Variants in CDK14 observed in about 807,000 individuals in gnomAD.
CDK14 encodes cyclin-dependent kinase 14.
In CDK14, 34 loss-of-function variants were observed where a neutral mutation model predicts 60.7. The observed-to-expected ratio is 0.56, with a 90% CI of 0.43 to 0.75. The LOEUF is 0.75. CDK14 is among the 30% of genes least tolerant of loss of function. The probability of loss-of-function intolerance (pLI) is 0.00; values close to 1 mark genes in which losing one functional copy is unlikely to be tolerated. For synonymous variants in CDK14, 197 were observed against 203.7 expected (o/e 0.97, Z 0.28); for missense variants, 482 against 564.1 (o/e 0.85, Z 1.47).
chr7:90,609,003 A>G lies in CDK14; in HGVS notation c.123+4754A>G, dbSNP rs539816661. 6.6e-5 allele frequency among the ~76,000 whole-genome samples: 10 copies of G among 152,244 alleles called. No individual in the cohort carries two copies. In the South Asian group the frequency reaches 1.0e-3, roughly 16 times the overall value. On this transcript the variant is annotated intron_variant, in intron 2 of 14. Transcript: ENST00000380050. Reference sequence around the variant, plus strand: ...TTGTTATTTTATATAAAGATATAATACCAGAGATAATAAAGGTGGCAGTTA... The same window carrying G: ...TTGTTATTTTATATAAAGATATAATGCCAGAGATAATAAAGGTGGCAGTTA...
chr7:90,921,501 G>C (rs577635468), intron 8 of CDK14, among the ~76,000 whole-genome samples: 1 of 151,802 alleles, frequency 6.6e-6, no homozygotes, highest in African/African-American at 2.4e-5. Context: ...TGGAAGTTCC[G>C]TGAAGGCGGG....
At chr7:91,142,661 G>A (rs752324880) in intron 14 of CDK14, among the ~76,000 whole-genome samples, 4 of 152,150 alleles carry the variant, frequency 2.6e-5, no homozygotes, top group Non-Finnish European at 5.9e-5. Flanking sequence ...TATGTGTTTA[G>A]CTTCCATTTC....
intron 10 of CDK14, among the ~76,000 whole-genome samples, chr7:91,004,989 A>G (rs1431448218): frequency 1.3e-5 from 2 of 152,208 alleles, no homozygotes; most frequent in Non-Finnish European, 2.9e-5. Context: ...CGCCAAGTTC[A>G]GATTCAGAAT....
intron 10 of CDK14, among the ~76,000 whole-genome samples, chr7:91,021,681 C>T (rs913426365): frequency 1.3e-5 from 2 of 152,038 alleles, no homozygotes; most frequent in African/African-American, 4.8e-5. Flanking sequence ...ATCAGTGGAC[C>T]CTCCATAAGT....
At chr7:90,791,902 T>G (rs1484246934) in intron 5 of CDK14, among the ~76,000 whole-genome samples, 1 of 50,122 alleles carries the variant, frequency 2.0e-5, no homozygotes, top group Non-Finnish European at 3.9e-5. Context: ...GGAAAGGGCT[T>G]CTTTTTTTTT....
At chr7:91,079,368 C>A in intron 11 of CDK14, 64 bp from the exon 12 acceptor site, 2 of 1,135,614 alleles carry the variant, frequency 1.8e-6, no homozygotes, top group South Asian at 1.4e-5. Flanking sequence ...GAAGTTTTTT[C>A]AACATACTTG....
intron 5 of CDK14, among the ~76,000 whole-genome samples, chr7:90,829,912 C>T (rs1248533373): frequency 1.3e-5 from 2 of 152,232 alleles, no homozygotes; most frequent in Non-Finnish European, 2.9e-5. Flanking sequence ...AAAGTGTGGG[C>T]TCCTAAGGCC....
intron 2 of CDK14, among the ~76,000 whole-genome samples, chr7:90,616,830 ATCT>A (rs1160591791): frequency 6.6e-6 from 1 of 152,156 alleles, no homozygotes; most frequent in East Asian, 1.9e-4. Flanking sequence ...CACTTTGATG[ATCT>A]TCAGCATTCC....
chr7:90,641,570 G>A (rs6954816), intron 2 of CDK14, among the ~76,000 whole-genome samples: 27,520 of 151,970 alleles, frequency 0.18, 2,613 homozygotes, highest in Middle Eastern at 0.21. Flanking sequence ...GTCCAAAATA[G>A]GTAAATCTAT....
rs1404273599 is a variant in CDK14 at position 90,726,538 on chromosome 7, G to C, written c.124-29G>C. 5 of 1,608,010 alleles carry C rather than the reference G, an allele frequency of 3.1e-6. No homozygotes were observed. In the South Asian group the frequency reaches 4.4e-5, roughly 14 times the overall value. ...AGTGATATTAAAGTTGCAGTGAAGA[G>C]TTCTGAATTTAATTTCTTCTTTTCT... On this transcript the variant is annotated intron_variant, in intron 2 of 14. Transcript: ENST00000380050.
intron 5 of CDK14, among the ~76,000 whole-genome samples, chr7:90,794,891 A>G (rs1421518793): frequency 6.6e-6 from 1 of 152,228 alleles, no homozygotes; most frequent in Non-Finnish European, 1.5e-5. Flanking sequence ...CAGGTGTAAG[A>G]AACTATACAA....
At chr7:90,892,306 C>CA (rs1360574337) in intron 6 of CDK14, among the ~76,000 whole-genome samples, 1 of 152,118 alleles carries the variant, frequency 6.6e-6, no homozygotes, top group Non-Finnish European at 1.5e-5. Context: ...GTTCTCCACT[C>CA]ACGCCTGTTT....
At chr7:90,778,846 A>ACCTTCCTTCCTTCCTTCCTTCCTTCCTT (rs35971285) in intron 4 of CDK14, among the ~76,000 whole-genome samples, 1 of 127,972 alleles carries the variant, frequency 7.8e-6, no homozygotes, top group Non-Finnish European at 1.6e-5. Context: ...AAATTGACCG[A>ACCTTCCTTCCTTCCTTCCTTCCTTCCTT]CCTTCCTTCC....
intron 6 of CDK14, among the ~76,000 whole-genome samples, chr7:90,890,271 G>A (rs980840925): frequency 2.0e-5 from 3 of 152,156 alleles, no homozygotes; most frequent in African/African-American, 7.2e-5. Context: ...TACTTGGGAG[G>A]CTAAAGAGGG....
chr7:91,179,424 C>T (rs1028613404), intron 14 of CDK14, among the ~76,000 whole-genome samples: 3 of 150,896 alleles, frequency 2.0e-5, no homozygotes, highest in African/African-American at 7.3e-5. Context: ...TTAGTGGGTG[C>T]AGCGCACCAG....
intron 6 of CDK14, among the ~76,000 whole-genome samples, chr7:90,896,115 G>T (rs1792330327): frequency 6.6e-6 from 1 of 150,424 alleles, no homozygotes; most frequent in African/African-American, 2.4e-5. Flanking sequence ...TACTTTATTG[G>T]TTGTTTTATT....
intron 1 of CDK14, among the ~76,000 whole-genome samples, chr7:90,603,583 A>G (rs1368159469): frequency 1.3e-5 from 2 of 152,246 alleles, no homozygotes; most frequent in Admixed American, 1.3e-4. Context: ...CTGAGAATGT[A>G]TCCCAGTTGT....
chr7:90,717,029 G>A (rs905171913), intron 2 of CDK14, among the ~76,000 whole-genome samples: 2 of 152,012 alleles, frequency 1.3e-5, no homozygotes, highest in African/African-American at 4.8e-5. Flanking sequence ...TGAAATTCTG[G>A]TCACAATGCT....
Position 90,870,622 on chromosome 7 carries a change from G to A in CDK14, c.639+7353G>A, listed in dbSNP as rs59378987. On this transcript the variant is annotated intron_variant, in intron 6 of 14. Coordinates refer to ENST00000380050, the MANE Select transcript of CDK14 (RefSeq NM_001287135.2). ...AAGGAGAAAAAGACACCTCATAAAC[G>A]TCCACTAGATTCATTATCTAGTCCC... 9.1e-3 allele frequency among the ~76,000 whole-genome samples: 1,387 copies of A among 152,018 alleles called. 31 individuals carry two copies. The highest frequency in any genetic ancestry group is 0.031 in the African/African-American group (1,302 of 41,452).
Sources: gnomAD v4.1 joint callset for allele counts (sites outside exome capture counted in the v4.1 genomes callset) on GRCh38, gnomAD v4.1.1 for gene constraint, MANE v1.5 for transcripts, NCBI Gene and HGNC (gene_info 2026-07-23, HGNC 2026-07-21) for gene names.